Variants in PUDP observed in about 807,000 individuals in gnomAD.
PUDP encodes pseudouridine-5'-phosphatase.
A neutral mutation model predicts 9.4 loss-of-function variants in PUDP; 8 were observed. The observed-to-expected ratio is 0.85, with a 90% CI of 0.50 to 1.53. The LOEUF (loss-of-function observed/expected upper bound fraction) is 1.53, where lower values mean the gene tolerates loss of function less well. Among genes scored for constraint, PUDP ranks in the 40% most tolerant of loss-of-function variants. The pLI, the probability that PUDP is intolerant of heterozygous loss-of-function variation, is 0.00. For missense variants in PUDP, 188 were observed against 189.7 expected, an observed-to-expected ratio of 0.99 and a Z score of 0.05; for synonymous variants, 99 against 80.7, an observed-to-expected ratio of 1.23 and a Z score of -1.22.
Position 6,872,096 on chromosome X carries a change from T to C in PUDP, c.*247+105037A>G, listed in dbSNP as rs193065884. On this transcript the variant is annotated intron_variant and NMD_transcript_variant, in intron 3 of 3. Transcript: ENST00000655425. ...GATCCCATTCATGAGGCTCCATCTT[T>C]ATGACCTCATCACTTCCCCAAGGCC... Among the ~76,000 whole-genome samples, 421 of 110,740 alleles carry C rather than the reference T, an allele frequency of 3.8e-3. 3 individuals carry two copies. The highest frequency in any genetic ancestry group is 0.013 in the African/African-American group (397 of 30,444).
chrX:7,062,992 A>G (rs1318200444), intron 3 of PUDP, among the ~76,000 whole-genome samples: 1 of 105,193 alleles, frequency 9.5e-6, no homozygotes, highest in Admixed American at 1.1e-4. Flanking sequence ...CTTAATTCAG[A>G]TGGGTTGGTT....
intron 3 of PUDP, among the ~76,000 whole-genome samples, chrX:7,055,602 C>G (rs1930219835): frequency 9.0e-6 from 1 of 110,927 alleles, no homozygotes; most frequent in Non-Finnish European, 1.9e-5. Flanking sequence ...ACCCAAAGAT[C>G]TAATGCACTT....
chrX:6,900,890 G>C (rs1927674884), intron 3 of PUDP, among the ~76,000 whole-genome samples: 2 of 109,985 alleles, frequency 1.8e-5, no homozygotes, highest in Admixed American at 2.0e-4. Context: ...CAATTCTCCT[G>C]CCTCAGCCTC....
At chrX:6,964,095 C>G (rs1338502368) in intron 3 of PUDP, among the ~76,000 whole-genome samples, 1 of 112,078 alleles carries the variant, frequency 8.9e-6, no homozygotes, top group Non-Finnish European at 1.9e-5. Flanking sequence ...TTATTATAGG[C>G]AACACGGGGC....
chrX:7,142,962 T>A, intron 1 of PUDP, among the ~76,000 whole-genome samples: 1 of 111,220 alleles, frequency 9.0e-6, no homozygotes. Flanking sequence ...AAAGAGAATT[T>A]TTTTGTAAAA....
At chrX:6,708,148 C>T (rs757239513) in intron 1 of PUDP, among the ~76,000 whole-genome samples, 2 of 111,689 alleles carry the variant, frequency 1.8e-5, no homozygotes, top group Non-Finnish European at 3.8e-5. Flanking sequence ...GAGAGATGCC[C>T]TAAAGAAAGA....
At chrX:7,042,967 C>T (rs1373373198) in intron 1 of PUDP, among the ~76,000 whole-genome samples, 1 of 111,970 alleles carries the variant, frequency 8.9e-6, no homozygotes, top group African/African-American at 3.3e-5. Flanking sequence ...TGTCTATCTC[C>T]TTGACCTCTG....
In PUDP at chrX:6,734,848, GT is replaced by G. The variant is rs1271285868; in HGVS notation, c.*248-28383del. 3.6e-5 allele frequency among the ~76,000 whole-genome samples: 4 copies of G among 112,050 alleles called. No individual in the cohort carries two copies. In the East Asian group the frequency reaches 8.3e-4, roughly 23 times the overall value. On this transcript the variant is annotated intron_variant and NMD_transcript_variant, in intron 3 of 3. Coordinates refer to the PUDP transcript ENST00000655425. Reference sequence around the variant, plus strand: ...GCAGTGGAGTGCTAGCAAAGGCCATGTGTTTGGGGGCTTCTCTTGGATTTAC... The same window carrying G: ...GCAGTGGAGTGCTAGCAAAGGCCATGGTTTGGGGGCTTCTCTTGGATTTAC...
At chrX:6,763,574 TAGAGAA>T (rs987841491) in intron 3 of PUDP, among the ~76,000 whole-genome samples, 7 of 111,555 alleles carry the variant, frequency 6.3e-5, no homozygotes, top group Non-Finnish European at 1.3e-4. Flanking sequence ...TTTGGCCTCT[TAGAGAA>T]AGTTTCCTGA....
chrX:6,841,819 T>C (rs765995754), intron 3 of PUDP, among the ~76,000 whole-genome samples: 5 of 111,445 alleles, frequency 4.5e-5, no homozygotes, highest in Non-Finnish European at 9.4e-5. Flanking sequence ...CAGAATCAAC[T>C]TTCTTTCTTT....
chrX:7,100,769 C>G (rs1234569818), intron 2 of PUDP, among the ~76,000 whole-genome samples: 1 of 111,680 alleles, frequency 9.0e-6, no homozygotes, highest in Non-Finnish European at 1.9e-5. Flanking sequence ...GACAGAAGAG[C>G]TATTTTATCT....
At chrX:6,814,968 T>C (rs1443122328) in intron 3 of PUDP, among the ~76,000 whole-genome samples, 1 of 111,530 alleles carries the variant, frequency 9.0e-6, no homozygotes, top group Non-Finnish European at 1.9e-5. Flanking sequence ...CATGTCAGAA[T>C]GTTTCTGTGT....
intron 1 of PUDP, among the ~76,000 whole-genome samples, chrX:7,121,515 G>A (rs1168394933): frequency 1.8e-5 from 2 of 111,501 alleles, no homozygotes; most frequent in Non-Finnish European, 3.8e-5. Context: ...CTAAAAGCAG[G>A]TCCCACTACT....
intron 3 of PUDP, among the ~76,000 whole-genome samples, chrX:6,865,334 C>T (rs989468792): frequency 3.6e-5 from 4 of 111,984 alleles, no homozygotes; most frequent in Admixed American, 9.5e-5. Context: ...TCATCTCAAC[C>T]TCCCCATCAA....
At chrX:7,140,179 A>G (rs567847150) in intron 1 of PUDP, among the ~76,000 whole-genome samples, 2 of 112,319 alleles carry the variant, frequency 1.8e-5, no homozygotes, top group South Asian at 7.4e-4. Flanking sequence ...AAGCACCAAC[A>G]AGGCAATTTT....
At chrX:7,046,881 T>C (rs910230054), downstream of PUDP, among the ~76,000 whole-genome samples, 2 of 112,459 alleles carry the variant, frequency 1.8e-5, no homozygotes, top group Admixed American at 1.9e-4. Flanking sequence ...TTGGTAAATA[T>C]TTGAAAATAT....
At chrX:6,917,866 G>C (rs749025724) in intron 3 of PUDP, among the ~76,000 whole-genome samples, 3 of 112,046 alleles carry the variant, frequency 2.7e-5, no homozygotes, top group African/African-American at 9.7e-5. Flanking sequence ...AGAAAGGTCC[G>C]TGAGAACATA....
At chrX:6,892,079 A>G (rs1222463523) in intron 3 of PUDP, among the ~76,000 whole-genome samples, 2 of 112,173 alleles carry the variant, frequency 1.8e-5, no homozygotes, top group Admixed American at 9.4e-5. Context: ...TGCAGGACAA[A>G]ATATAGGATA....
intron 1 of PUDP, among the ~76,000 whole-genome samples, chrX:7,020,274 C>T (rs1929613434): frequency 1.8e-5 from 2 of 109,968 alleles, no homozygotes; most frequent in Admixed American, 1.9e-4. Context: ...CATAGTTCGC[C>T]AGCCTTTTGA....
Sources: gnomAD v4.1 joint callset for allele counts (sites outside exome capture counted in the v4.1 genomes callset) on GRCh38, gnomAD v4.1.1 for gene constraint, MANE v1.5 for transcripts, NCBI Gene and HGNC (gene_info 2026-07-23, HGNC 2026-07-21) for gene names.